The following SPHKAP variants were observed in gnomAD, a reference collection of about 807,000 sequenced individuals.
SPHKAP encodes SPHK1 interactor, AKAP domain containing.
A neutral mutation model predicts 137.5 loss-of-function variants in SPHKAP; 67 were observed. The ratio of observed to expected loss-of-function variants is 0.49; its 90% CI spans 0.40 to 0.60. The LOEUF (loss-of-function observed/expected upper bound fraction) is 0.60. SPHKAP is among the 20% of genes least tolerant of loss of function. SPHKAP has a pLI of 0.00. For missense variants in SPHKAP, 2,097 were observed against 2,069.3 expected, an observed-to-expected ratio of 1.01 and a Z score of -0.26; for synonymous variants, 813 against 785.3, an observed-to-expected ratio of 1.04 and a Z score of -0.59.
At position 228,135,012 on chromosome 2, in the gene SPHKAP, C is replaced by T. The variant is rs1029676683; in HGVS notation, c.33-2927G>A. Among the ~76,000 whole-genome samples the T allele has an allele frequency of 8.5e-5, 13 of 152,228 alleles. No individual in the cohort carries two copies. In the South Asian group the frequency reaches 1.5e-3, roughly 17 times the overall value. On this transcript the variant is annotated intron_variant, in intron 1 of 11. Transcript: ENST00000392056. ...CTTCAAGGCCGGGTGCAGTGGCTCA[C>T]GCCTGTAATCCCAGCACTTTGGGAG...
At chr2:228,006,234 C>T (rs1193229647) in intron 7 of SPHKAP, among the ~76,000 whole-genome samples, 1 of 152,086 alleles carries the variant, frequency 6.6e-6, no homozygotes. Flanking sequence ...AGGCTTTGTT[C>T]ATTTCTCTTT....
At chr2:228,150,685 C>A (rs963859532) in intron 1 of SPHKAP, among the ~76,000 whole-genome samples, 3 of 150,966 alleles carry the variant, frequency 2.0e-5, no homozygotes, top group African/African-American at 4.9e-5. Context: ...ATTAAGGATA[C>A]CAGGCATTTG....
At chr2:228,030,513 C>CAAAAAAAAAAAAAAAAAACA (rs1695251952) in intron 3 of SPHKAP, among the ~76,000 whole-genome samples, 2 of 48,772 alleles carry the variant, frequency 4.1e-5, no homozygotes, top group African/African-American at 7.4e-5. Context: ...GATACCATCT[C>CAAAAAAAAAAAAAAAAAACA]AAAAAAAAAA....
At chr2:228,156,143 T>G (rs1346032279) in intron 1 of SPHKAP, among the ~76,000 whole-genome samples, 1 of 152,248 alleles carries the variant, frequency 6.6e-6, no homozygotes, top group South Asian at 2.1e-4. Context: ...ATACTTTTAG[T>G]GTTTACATGA....
intron 3 of SPHKAP, among the ~76,000 whole-genome samples, chr2:228,059,171 G>A (rs960471127): frequency 1.3e-5 from 2 of 152,142 alleles, no homozygotes; most frequent in African/African-American, 4.8e-5. Flanking sequence ...GATGCACCAT[G>A]GTTTGTTTAT....
chr2:227,985,588 T>A (rs779445955), intron 11 of SPHKAP, among the ~76,000 whole-genome samples: 1 of 152,220 alleles, frequency 6.6e-6, no homozygotes, highest in Non-Finnish European at 1.5e-5. Context: ...TAATTTCATT[T>A]TCTGCCATTT....
At chr2:228,064,662 T>C (rs902008366) in intron 3 of SPHKAP, among the ~76,000 whole-genome samples, 1 of 152,198 alleles carries the variant, frequency 6.6e-6, no homozygotes, top group African/African-American at 2.4e-5. Context: ...GCATGACATC[T>C]TGATGGGAAA....
intron 3 of SPHKAP, among the ~76,000 whole-genome samples, chr2:228,101,549 C>T (rs1467416617): frequency 6.6e-6 from 1 of 152,206 alleles, no homozygotes; most frequent in African/African-American, 2.4e-5. Context: ...GAATACTTAT[C>T]TGATGCTCAC....
rs559986853 is a variant in SPHKAP, at chr2:228,082,858, A to T, written c.246+25974T>A. 5.9e-5 allele frequency among the ~76,000 whole-genome samples: 9 copies of T among 152,214 alleles called. No homozygotes were observed. In the South Asian group the frequency reaches 1.4e-3, roughly 25 times the overall value. Reference sequence around the variant, plus strand: ...TAGGAGAGATTCTGGCAGACCGGAAATATTAAGTAAATATCAACTCTTTTT... The same window carrying T: ...TAGGAGAGATTCTGGCAGACCGGAATTATTAAGTAAATATCAACTCTTTTT... On this transcript the variant is annotated intron_variant, in intron 3 of 11. Transcript: ENST00000392056.
intron 3 of SPHKAP, among the ~76,000 whole-genome samples, chr2:228,078,380 C>CGTTTT (rs1491221427): frequency 7.8e-6 from 1 of 128,198 alleles, no homozygotes; most frequent in African/African-American, 2.9e-5. Context: ...TGTTGGCAGA[C>CGTTTT]TTTTTTTTTT....
In SPHKAP at chr2:228,071,421, T is replaced by G. The variant is rs190079136; in HGVS notation, c.246+37411A>C. On this transcript the variant is annotated intron_variant, in intron 3 of 11. Transcript: ENST00000392056. ...ACTGCATCTTCTGTTATCTTGACAT[T>G]TTTTAAGCCAAGCCTCTGTCCCAAA... is the stretch of plus-strand genomic sequence containing the variant. 5.7e-4 allele frequency among the ~76,000 whole-genome samples: 87 copies of G among 152,354 alleles called. 1 individual carries two copies. In the East Asian group the frequency reaches 0.014, roughly 25 times the overall value.
chr2:228,039,924 A>G (rs537311408), intron 3 of SPHKAP, among the ~76,000 whole-genome samples: 1 of 152,294 alleles, frequency 6.6e-6, no homozygotes, highest in African/African-American at 2.4e-5. Flanking sequence ...CCATCAAGAA[A>G]TGTCATTGTA....
rs1489373200 is a variant in SPHKAP at position 228,054,690 on chromosome 2, C to T, written c.247-27147G>A. 4.6e-5 allele frequency among the ~76,000 whole-genome samples: 7 copies of T among 152,122 alleles called. No individual in the cohort carries two copies. In the East Asian group the frequency reaches 1.2e-3, roughly 25 times the overall value. On this transcript the variant is annotated intron_variant, in intron 3 of 11. Transcript: ENST00000392056. ...GCACCTTGGAAAAGGTCCCAGGTGA[C>T]TCTGATGTGTATTTGGAGTTAAGAG...
intron 2 of SPHKAP, among the ~76,000 whole-genome samples, chr2:228,130,016 G>A (rs978237940): frequency 6.6e-6 from 1 of 151,948 alleles, no homozygotes; most frequent in Non-Finnish European, 1.5e-5. Context: ...GGCTGGTCTC[G>A]AACTCCTGAC....
intron 2 of SPHKAP, 82 bp downstream of exon 2, chr2:228,131,898 T>C: frequency 2.6e-6 from 4 of 1,521,190 alleles, no homozygotes; most frequent in Non-Finnish European, 3.6e-6. Context: ...TGTTTCTACT[T>C]TAGGAAGAGT....
intron 3 of SPHKAP, 100 bp from the exon 4 acceptor site, chr2:228,027,643 T>A: frequency 8.8e-7 from 1 of 1,142,260 alleles, no homozygotes; most frequent in Admixed American, 1.9e-5. Flanking sequence ...GCTTTGGGAG[T>A]CTTCCACATC....
chr2:228,004,347 G>A (rs577597911), intron 7 of SPHKAP, among the ~76,000 whole-genome samples: 265 of 152,238 alleles, frequency 1.7e-3, no homozygotes, highest in African/African-American at 5.6e-3. Flanking sequence ...GTTTATTTGC[G>A]TAGAGGTGTT....
intron 4 of SPHKAP, 34 bp downstream of exon 4, chr2:228,027,450 T>C (rs1559355465): frequency 3.1e-6 from 5 of 1,609,384 alleles, no homozygotes; most frequent in Non-Finnish European, 3.4e-6. Context: ...GTCCTTGTAA[T>C]GACCTCCCGG....
chr2:228,163,892 A>G (rs1308517844), intron 1 of SPHKAP, among the ~76,000 whole-genome samples: 3 of 152,116 alleles, frequency 2.0e-5, no homozygotes, highest in African/African-American at 7.2e-5. Flanking sequence ...GTGATGGTTA[A>G]TATTAGCTGT....
Sources: gnomAD v4.1 joint callset for allele counts (sites outside exome capture counted in the v4.1 genomes callset) on GRCh38, gnomAD v4.1.1 for gene constraint, MANE v1.5 for transcripts, NCBI Gene and HGNC (gene_info 2026-07-23, HGNC 2026-07-21) for gene names.